OTOF: variants seen among roughly 807,000 people sequenced by gnomAD.
OTOF encodes the protein otoferlin.
OTOF carries 218 observed loss-of-function variants against 236.8 expected under a neutral mutation model. The observed-to-expected ratio is 0.92, with a 90% confidence interval of 0.82 to 1.03. OTOF has a LOEUF of 1.03. Ranked by LOEUF, OTOF falls within the 50% of genes least tolerant of loss-of-function variation. OTOF has a pLI of 0.00. For missense variants in OTOF, 2,590 were observed against 2,694.4 expected, an observed-to-expected ratio of 0.96 and a Z score of 0.86; for synonymous variants, 1,041 against 1,072.5, an observed-to-expected ratio of 0.97 and a Z score of 0.57.
chr2:26,526,472 T>A (rs1208194845), intron 3 of OTOF, among the ~76,000 whole-genome samples: 2 of 151,852 alleles, frequency 1.3e-5, no homozygotes, highest in South Asian at 2.1e-4. Context: ...GGCAGATGGA[T>A]GAATAACAGG....
At position 26,502,355 on chromosome 2, in the gene OTOF, C is replaced by T. The variant is rs956438436; in HGVS notation, c.655G>A (p.Asp219Asn). The T allele has an allele frequency of 1.9e-6, 3 of 1,613,964 alleles. No individual in the cohort carries two copies. Among genetic ancestry groups the T allele is most frequent in the East Asian group, 2.2e-5 (1 of 44,868 alleles). The stretch of plus-strand genomic sequence containing the variant: ...GTGACTGAGGCTAGAGACACCGAGT[C>T]GGGATCCAGTCCATCTCCTAGCCGA... The part of the protein sequence containing the change: ...AIRLGDGLDP[D>N]SVSLASVTAL... Residue 219 changes from aspartate (D) to asparagine (N), a missense_variant, in exon 7 of 47, where the codon GAC (aspartate) becomes AAC (asparagine). Physicochemically the swap from Asp to Asn is conservative, Grantham distance 23. Coordinates refer to ENST00000272371, the MANE Select transcript of OTOF (RefSeq NM_194248.3).
chr2:26,490,012 C>A (rs747355077), intron 9 of OTOF, among the ~76,000 whole-genome samples: 1 of 152,198 alleles, frequency 6.6e-6, no homozygotes. Context: ...ACAGCCCATG[C>A]CCTTGTACTG....
chr2:26,484,541 C>T lies in OTOF; in HGVS notation c.1138G>A (p.Val380Met). The T allele has an allele frequency of 1.9e-6, 3 of 1,614,038 alleles. No homozygotes were observed. The highest frequency in any genetic ancestry group is 2.5e-6 in the Non-Finnish European group (3 of 1,180,016). Reference protein sequence around the residue: ...KGYVKCDVAVVGKGDNIKTPH... With the variant: ...KGYVKCDVAVMGKGDNIKTPH... ...GTCTTGATGTTGTCCCCTTTGCCCA[C>T]CACGGCAACGTCACACTTCACGTAG... Residue 380 changes from valine (V) to methionine (M), a missense_variant, in exon 12 of 47, where the codon GTG becomes ATG. By Grantham distance (21) the Val-to-Met change is conservative. Around this residue, in one of 2 missense-constraint regions of OTOF, gnomAD observed 1,379 missense variants for 1,341.6 expected, o/e 1.03. Coordinates refer to ENST00000272371, the MANE Select transcript of OTOF (RefSeq NM_194248.3).
chr2:26,508,231 C>T (rs1317243655), intron 5 of OTOF, among the ~76,000 whole-genome samples: 4 of 152,208 alleles, frequency 2.6e-5, no homozygotes, highest in African/African-American at 9.7e-5. Flanking sequence ...TGTGGTCCTT[C>T]TTTGCATTGC....
At chr2:26,530,882 C>T (rs988270231) in intron 2 of OTOF, among the ~76,000 whole-genome samples, 1 of 152,110 alleles carries the variant, frequency 6.6e-6, no homozygotes, top group Non-Finnish European at 1.5e-5. Context: ...AGTGTGGGGC[C>T]TCGGAGGGTG....
chr2:26,524,962 C>T (rs886597571), intron 3 of OTOF, among the ~76,000 whole-genome samples: 3 of 152,166 alleles, frequency 2.0e-5, no homozygotes, highest in Admixed American at 6.5e-5. Flanking sequence ...GCTTGACTTC[C>T]GATTCTCCTT....
chr2:26,538,296 C>T (rs769824693), intron 1 of OTOF, among the ~76,000 whole-genome samples: 9 of 152,258 alleles, frequency 5.9e-5, no homozygotes, highest in Non-Finnish European at 1.2e-4. Flanking sequence ...AGCTTCCAGA[C>T]AGCCATTCCC....
Position 26,477,040 on chromosome 2 carries a change from G to T in OTOF, c.2527C>A (p.Gln843Lys). Residue 843 changes from glutamine to lysine, a missense_variant, in exon 22 of 47, where the codon CAG becomes AAG. Gln to Lys is a moderately conservative substitution (Grantham distance 53). Transcript: ENST00000272371. The surrounding 1 kb of genome is among the most constrained non-coding windows in gnomAD (Gnocchi z 4.7). ...QKLRFLADEPQHSIPDIFIWM... is the reference protein window; with the variant it reads ...QKLRFLADEPKHSIPDIFIWM... Reference sequence around the variant, plus strand: ...ATGAAGATGTCGGGAATGCTGTGCTGGGGCTGGGGGTTGGGGGGTGGCCAG... The same window carrying T: ...ATGAAGATGTCGGGAATGCTGTGCTTGGGCTGGGGGTTGGGGGGTGGCCAG... 1 of 1,576,288 alleles carries T rather than the reference G, an allele frequency of 6.3e-7. No homozygotes were observed.
At chr2:26,542,134 C>T (rs1667224476) in intron 1 of OTOF, among the ~76,000 whole-genome samples, 1 of 152,224 alleles carries the variant, frequency 6.6e-6, no homozygotes, top group Non-Finnish European at 1.5e-5. Flanking sequence ...CCATGCTGGC[C>T]TTTCATGGGA....
intron 1 of OTOF, among the ~76,000 whole-genome samples, chr2:26,547,763 C>A (rs1667368956): frequency 6.6e-6 from 1 of 152,170 alleles, no homozygotes; most frequent in Non-Finnish European, 1.5e-5. Flanking sequence ...ATCACTTGAA[C>A]TGGGGAGACA....
At chr2:26,556,839 A>T (rs1352255230) in intron 1 of OTOF, among the ~76,000 whole-genome samples, 1 of 152,198 alleles carries the variant, frequency 6.6e-6, no homozygotes. Flanking sequence ...CTGCAGCAGG[A>T]TGGCAACCTG....
chr2:26,482,993 GTGCATGT>G (rs1665598186), intron 13 of OTOF, among the ~76,000 whole-genome samples: 1 of 47,310 alleles, frequency 2.1e-5, no homozygotes, highest in Non-Finnish European at 4.4e-5. Context: ...GTGTGAGTGG[GTGCATGT>G]GTGCATGTGT....
chr2:26,479,868 C>G (rs558736354), intron 16 of OTOF, among the ~76,000 whole-genome samples: 7 of 152,366 alleles, frequency 4.6e-5, no homozygotes, highest in South Asian at 2.1e-4. Flanking sequence ...CGAGGCCCAG[C>G]CCTGGCCCAG....
At chr2:26,474,437 G>A in intron 26 of OTOF, 76 bp downstream of exon 26, 1 of 1,324,752 alleles carries the variant, frequency 7.5e-7, no homozygotes, top group Non-Finnish European at 1.0e-6. Context: ...AGCCTTCAGG[G>A]TCCAGCCCCC....
intron 1 of OTOF, 136 bp from the exon 2 acceptor site, chr2:26,537,910 C>G (rs1023555862): frequency 4.1e-6 from 3 of 724,570 alleles, no homozygotes; most frequent in Non-Finnish European, 7.5e-6. Context: ...GGCTTGCTCA[C>G]CTCTCCCAGG....
chr2:26,549,314 A>G (rs1258195493), intron 1 of OTOF, among the ~76,000 whole-genome samples: 2 of 152,144 alleles, frequency 1.3e-5, no homozygotes, highest in Non-Finnish European at 2.9e-5. Context: ...TGTAATAACA[A>G]TTTTTTTCCC....
intron 1 of OTOF, among the ~76,000 whole-genome samples, chr2:26,541,863 A>T (rs1047500454): frequency 1.9e-4 from 29 of 152,314 alleles, no homozygotes; most frequent in African/African-American, 6.5e-4. Flanking sequence ...ATCGAGTGAG[A>T]AGGAGGTTCG....
chr2:26,478,070 A>G, intron 18 of OTOF: 1 of 1,422,394 alleles, frequency 7.0e-7, no homozygotes, highest in South Asian at 1.6e-5. Flanking sequence ...GGCCAGAGAC[A>G]GAGGGAAACC....
chr2:26,516,784 C>A (rs750286314), intron 4 of OTOF, among the ~76,000 whole-genome samples, 185 bp from the exon 5 acceptor site: 2 of 152,200 alleles, frequency 1.3e-5, no homozygotes, highest in Non-Finnish European at 1.5e-5. Flanking sequence ...GAAAGGCTGA[C>A]TTGTGCAGAC....
Sources: allele counts gnomAD v4.1 joint callset (sites outside exome capture counted in the v4.1 genomes callset), GRCh38; gene constraint gnomAD v4.1.1; regional missense constraint gnomAD v4.1.1; non-coding constraint Gnocchi (gnomAD v3.1); transcripts MANE v1.5; gene names NCBI Gene and HGNC (gene_info 2026-07-23, HGNC 2026-07-21).